CSGALNACT1: variants seen among roughly 807,000 people sequenced by gnomAD.
CSGALNACT1 encodes the protein beta4GalNAcT-1.
A neutral mutation model predicts 51.0 loss-of-function variants in CSGALNACT1; 52 were observed. The observed-to-expected ratio is 1.02, with a 90% CI of 0.82 to 1.29. CSGALNACT1 has a LOEUF of 1.29. CSGALNACT1 is among the 50% of genes most tolerant of loss of function. The pLI, the probability that CSGALNACT1 is intolerant of heterozygous loss-of-function variation, is 0.00. For missense variants in CSGALNACT1, 935 were observed against 679.2 expected (o/e 1.38, Z -4.19); for synonymous variants, 341 against 254.4 (o/e 1.34, Z -3.24).
At chr8:19,554,952 G>GA (rs200566572) in intron 3 of CSGALNACT1, among the ~76,000 whole-genome samples, 3,186 of 151,250 alleles carry the variant, frequency 0.021, 98 homozygotes, top group African/African-American at 0.066. Context: ...AAGAAAGAAA[G>GA]AAATGAGCCG....
chr8:19,736,887 T>C (rs1050613825), intron 1 of CSGALNACT1, among the ~76,000 whole-genome samples: 2 of 151,550 alleles, frequency 1.3e-5, no homozygotes, highest in African/African-American at 2.4e-5. Flanking sequence ...TGAAAGACAA[T>C]TATCCTTGAG....
intron 6 of CSGALNACT1, among the ~76,000 whole-genome samples, chr8:19,426,344 G>C (rs1234614067): frequency 6.6e-6 from 1 of 152,108 alleles, no homozygotes; most frequent in Non-Finnish European, 1.5e-5. Flanking sequence ...TGAAGGACAG[G>C]CACAAACCCA....
At chr8:19,599,520 G>GAAAGAAAGAA (rs1554751495) in intron 2 of CSGALNACT1, among the ~76,000 whole-genome samples, 2 of 127,156 alleles carry the variant, frequency 1.6e-5, no homozygotes, top group East Asian at 2.2e-4. Flanking sequence ...AAGAAAGAAA[G>GAAAGAAAGAA]AAAGAAAAGA....
At chr8:19,682,663 G>A (rs2060708598), upstream of CSGALNACT1, 1 of 453,970 alleles carries the variant, frequency 2.2e-6, no homozygotes, top group Non-Finnish European at 4.4e-6. Flanking sequence ...AAAACCACAA[G>A]GAAGCCATTG....
chr8:19,739,828 TTGACTTATTCTA>T (rs2064202113), intron 1 of CSGALNACT1, among the ~76,000 whole-genome samples: 1 of 152,218 alleles, frequency 6.6e-6, no homozygotes, highest in Admixed American at 6.5e-5. Flanking sequence ...TGCCTACTTC[TTGACTTATTCTA>T]TGTAAGAAAG....
intron 4 of CSGALNACT1, among the ~76,000 whole-genome samples, chr8:19,503,269 C>T (rs1274010214): frequency 6.6e-6 from 1 of 152,166 alleles, no homozygotes; most frequent in African/African-American, 2.4e-5. Context: ...AAGCTGTGTG[C>T]TGCCCACGAA....
chr8:19,616,014 A>G (rs2052953653), intron 1 of CSGALNACT1, among the ~76,000 whole-genome samples: 1 of 152,220 alleles, frequency 6.6e-6, no homozygotes, highest in Non-Finnish European at 1.5e-5. Context: ...AGACAATAGG[A>G]AAATTACCAA....
intron 3 of CSGALNACT1, among the ~76,000 whole-genome samples, chr8:19,544,316 C>G (rs1054375619): frequency 6.6e-6 from 1 of 152,058 alleles, no homozygotes; most frequent in African/African-American, 2.4e-5. Context: ...TTTAATAGAA[C>G]TAATCTCTAC....
intron 3 of CSGALNACT1, among the ~76,000 whole-genome samples, chr8:19,546,762 T>A (rs1033563260): frequency 2.6e-5 from 4 of 152,168 alleles, no homozygotes; most frequent in East Asian, 3.9e-4. Flanking sequence ...CAAACTCAGA[T>A]GAAACCTAAA....
intron 4 of CSGALNACT1, among the ~76,000 whole-genome samples, chr8:19,491,735 G>T (rs2074400229): frequency 6.6e-6 from 1 of 152,180 alleles, no homozygotes; most frequent in Non-Finnish European, 1.5e-5. Context: ...ACAAAGCAAG[G>T]TCTTTTCACA....
At chr8:19,432,029 A>G (rs968876970) in intron 6 of CSGALNACT1, among the ~76,000 whole-genome samples, 5 of 152,124 alleles carry the variant, frequency 3.3e-5, no homozygotes, top group Non-Finnish European at 5.9e-5. Flanking sequence ...CATTTATACT[A>G]TCGTTTATAT....
intron 1 of CSGALNACT1, among the ~76,000 whole-genome samples, chr8:19,607,964 G>T (rs1027374535): frequency 6.6e-6 from 1 of 151,446 alleles, no homozygotes; most frequent in African/African-American, 2.4e-5. Context: ...TAAGACTAGG[G>T]AAGAGAAGCT....
intron 5 of CSGALNACT1, among the ~76,000 whole-genome samples, chr8:19,440,292 G>A (rs2061100874): frequency 2.6e-5 from 4 of 152,068 alleles, no homozygotes; most frequent in Non-Finnish European, 5.9e-5. Flanking sequence ...CAATATCCTT[G>A]ATGAACATTG....
At chr8:19,410,713 G>C (rs2055492704) in intron 8 of CSGALNACT1, among the ~76,000 whole-genome samples, 1 of 152,206 alleles carries the variant, frequency 6.6e-6, no homozygotes, top group Non-Finnish European at 1.5e-5. Flanking sequence ...CTTATGAGCT[G>C]GGGAGTGAGT....
chr8:19,688,428 G>A (rs1427870816), intron 1 of CSGALNACT1, among the ~76,000 whole-genome samples: 4 of 152,174 alleles, frequency 2.6e-5, no homozygotes, highest in East Asian at 3.9e-4. Context: ...AAGGGGTCAC[G>A]CAGGTGGTGG....
intron 6 of CSGALNACT1, among the ~76,000 whole-genome samples, chr8:19,439,415 T>G (rs1479799801): frequency 6.6e-6 from 1 of 152,236 alleles, no homozygotes; most frequent in Non-Finnish European, 1.5e-5. Flanking sequence ...GATCTGAGCA[T>G]AGACTTCACT....
chr8:19,568,581 G>C (rs1041930513), intron 3 of CSGALNACT1, among the ~76,000 whole-genome samples: 1 of 151,994 alleles, frequency 6.6e-6, no homozygotes, highest in African/African-American at 2.4e-5. Flanking sequence ...AAAAACAAAA[G>C]GACTTTAAAT....
intron 3 of CSGALNACT1, among the ~76,000 whole-genome samples, chr8:19,513,655 A>G (rs2078931411): frequency 6.6e-6 from 1 of 151,950 alleles, no homozygotes; most frequent in African/African-American, 2.4e-5. Flanking sequence ...TTGTGTGAAG[A>G]TCATGGAGTG....
At chr8:19,598,451 AG>A (rs765713227) in intron 2 of CSGALNACT1, among the ~76,000 whole-genome samples, 14 of 152,252 alleles carry the variant, frequency 9.2e-5, no homozygotes, top group Non-Finnish European at 2.1e-4. Flanking sequence ...ATCCAAAGGA[AG>A]GCCACTTTAT....
Sources: allele counts gnomAD v4.1 joint callset (sites outside exome capture counted in the v4.1 genomes callset), GRCh38; gene constraint gnomAD v4.1.1; transcripts MANE v1.5; gene names NCBI Gene and HGNC (gene_info 2026-07-23, HGNC 2026-07-21).